The following ZNF573 variants were observed in gnomAD, a reference collection of about 807,000 sequenced individuals.
The protein encoded by ZNF573 is zinc finger protein 573.
ZNF573 carries 41 observed loss-of-function variants against 57.4 expected under a neutral mutation model. That is an observed-to-expected ratio of 0.71 (90% CI 0.56 to 0.93). The LOEUF (loss-of-function observed/expected upper bound fraction) is 0.93, where lower values mean the gene tolerates loss of function less well. ZNF573 is among the 40% of genes least tolerant of loss of function. The pLI, the probability that ZNF573 is intolerant of heterozygous loss-of-function variation, is 0.00. For synonymous variants in ZNF573, 249 were observed against 261.0 expected (o/e 0.95, Z 0.44); for missense variants, 730 against 794.8 (o/e 0.92, Z 0.98).
intron 4 of ZNF573, among the ~76,000 whole-genome samples, chr19:37,761,723 G>A (rs1038671142): frequency 6.6e-6 from 1 of 152,152 alleles, no homozygotes; most frequent in Non-Finnish European, 1.5e-5. Flanking sequence ...ATTAGCATTA[G>A]ATCACACCCT....
rs755779948 is a variant in ZNF573 at position 37,771,647 on chromosome 19, T to C, written c.119A>G (p.Gln40Arg). The C allele has an allele frequency of 4.4e-6, 7 of 1,603,226 alleles. No individual in the cohort carries two copies. The African/African-American group carries it at 9.5e-5, about 22-fold the overall frequency. ...ATTAGGGTCCAGGTATTCCCACTCC[T>C]GCCGAGAGAAGTCTATGGCCACATC... The part of the protein sequence containing the change: ...FRDVAIDFSR[Q>R]EWEYLDPNQR... The change falls in exon 3 of 5, where the codon CAG becomes CGG. Residue 40 changes from glutamine (Q) to arginine (R), a missense_variant. By Grantham distance (43) the Gln-to-Arg change is conservative. Coordinates refer to ENST00000536220, the MANE Select transcript of ZNF573 (RefSeq NM_001172690.2).
chr19:37,755,944 G>A (rs370516028), intron 4 of ZNF573, among the ~76,000 whole-genome samples: 1 of 151,984 alleles, frequency 6.6e-6, no homozygotes, highest in Non-Finnish European at 1.5e-5. Flanking sequence ...TATAAACCTT[G>A]TAAGAAAAGC....
At position 37,739,118 on chromosome 19, in the gene ZNF573, T is replaced by C; in HGVS notation, c.1372A>G (p.Thr458Ala). ...KKTFTLYRNL[T>A]RHQNIHTGKK... is the part of the protein sequence containing the mutation. ...CCAGTGTGAATATTCTGATGTCGAG[T>C]AAGATTTCTATACAAAGTAAAGGTT... Residue 458 changes from threonine to alanine, a missense_variant, in exon 5 of 5, where the codon ACT becomes GCT. Coordinates refer to ENST00000536220, the MANE Select transcript of ZNF573 (RefSeq NM_001172690.2). The C allele has an allele frequency of 4.3e-6, 7 of 1,613,458 alleles. No individual in the cohort carries two copies. Among genetic ancestry groups the C allele is most frequent in the Non-Finnish European group, 5.9e-6 (7 of 1,179,860 alleles).
In ZNF573 at chr19:37,739,977, A is replaced by C; in HGVS notation, c.513T>G (p.Phe171Leu). 1 of 1,614,204 alleles carries C rather than the reference A, an allele frequency of 6.2e-7. No homozygotes were observed. Among genetic ancestry groups the C allele is most frequent in the Non-Finnish European group, 8.5e-7 (1 of 1,180,034 alleles). Residue 171 changes from phenylalanine to leucine, a missense_variant, in exon 5 of 5, where the codon TTT becomes TTG. Physicochemically the swap from Phe to Leu is conservative, Grantham distance 22 (BLOSUM62 0). Coordinates refer to ENST00000536220, the MANE Select transcript of ZNF573 (RefSeq NM_001172690.2). ...PYECKECGKN[F>L]RSGYQLTLHQ... ...GTAGAGTAAGTTGATAGCCACTACG[A>C]AAGTTCTTCCCACACTCTTTGCATT...
intron 4 of ZNF573, among the ~76,000 whole-genome samples, chr19:37,761,841 G>A (rs150527388): frequency 5.6e-4 from 85 of 152,272 alleles, no homozygotes; most frequent in African/African-American, 1.9e-3. Context: ...AGGCTCCTGT[G>A]TCATGAAAAA....
intron 2 of ZNF573, among the ~76,000 whole-genome samples, chr19:37,773,374 T>C (rs1208904942): frequency 2.0e-5 from 3 of 152,200 alleles, no homozygotes; most frequent in African/African-American, 7.2e-5. Context: ...TAAAGGAAGC[T>C]CAAATAGTTC....
rs761927757 is a variant in ZNF573 at position 37,738,966 on chromosome 19, G to A, written c.1524C>T (p.Ser508=). ...GATGTTGATTAAGATATCCATGCAA[G>A]CTAAAGGTCTTGCCACATTCCTTAC... The part of the protein sequence containing the change: ...YKCKECGKTF[S]LHGYLNQHQK... Residue 508 remains serine, a synonymous_variant, in exon 5 of 5, where the codon AGC becomes AGT. Transcript: ENST00000536220. 3 of 1,613,602 alleles carry A rather than the reference G, an allele frequency of 1.9e-6. No homozygotes were observed. Among genetic ancestry groups the A allele is most frequent in the South Asian group, 1.1e-5 (1 of 91,040 alleles).
In ZNF573 at chr19:37,758,203, ATATATAT is replaced by A. The variant is rs1230133293; in HGVS notation, c.295+11795_295+11801del. ...ACCCTAGAACTTAAAGTATAATAAA[ATATATAT>A]ATATATATATATATATATATATATA... On this transcript the variant is annotated intron_variant, in intron 4 of 4. Coordinates refer to ENST00000536220, the MANE Select transcript of ZNF573 (RefSeq NM_001172690.2). Among the ~76,000 whole-genome samples, 382 of 52,018 alleles carry A rather than the reference ATATATAT, an allele frequency of 7.3e-3. 53 individuals are homozygous for A. Among genetic ancestry groups the A allele is most frequent in the East Asian group, 0.018 (12 of 670 alleles). 34.1% of individuals were successfully genotyped at this position (52,018 alleles called of 152,430 possible). A position where few individuals can be genotyped will look rare whatever the true frequency, so the allele number is the denominator to read the frequency against.
chr19:37,741,237 G>A (rs2045324367), intron 4 of ZNF573, among the ~76,000 whole-genome samples: 1 of 151,468 alleles, frequency 6.6e-6, no homozygotes, highest in African/African-American at 2.5e-5. Context: ...ATCTTTATCT[G>A]TCTGTTTATC....
At chr19:37,779,352 C>T (rs906710564) in intron 1 of ZNF573, among the ~76,000 whole-genome samples, 192 bp downstream of exon 1, 9 of 152,118 alleles carry the variant, frequency 5.9e-5, no homozygotes, top group African/African-American at 2.2e-4. Context: ...AAATACCCTC[C>T]TCTGCTGTTC....
intron 1 of ZNF573, among the ~76,000 whole-genome samples, chr19:37,775,525 A>G (rs1173475009): frequency 6.6e-6 from 1 of 152,066 alleles, no homozygotes; most frequent in Admixed American, 6.6e-5. Context: ...ACCCGTTCCT[A>G]TTTACAACTT....
At chr19:37,745,352 G>C (rs1429634408) in intron 4 of ZNF573, among the ~76,000 whole-genome samples, 1 of 151,998 alleles carries the variant, frequency 6.6e-6, no homozygotes, top group Admixed American at 6.6e-5. Flanking sequence ...CAAAGTGTTA[G>C]GATTACAGAC....
chr19:37,762,022 T>C, intron 4 of ZNF573, among the ~76,000 whole-genome samples: 1 of 152,214 alleles, frequency 6.6e-6, no homozygotes, highest in Non-Finnish European at 1.5e-5. Flanking sequence ...AGGCACAAAT[T>C]CTTATTTCAC....
At position 37,746,674 on chromosome 19, in the gene ZNF573, A is replaced by C. The variant is rs367993714; in HGVS notation, c.296-6480T>G. Among the ~76,000 whole-genome samples, 29 of 151,876 alleles carry C rather than the reference A, an allele frequency of 1.9e-4. 1 individual carries two copies. In the South Asian group the frequency reaches 5.8e-3, roughly 30 times the overall value. ...GGCTCACTGCAACCTCTGCCTCCCGAGTTCAAGCGATTATCCTGCCTCAGC... is the reference window on the plus strand; with the variant it reads ...GGCTCACTGCAACCTCTGCCTCCCGCGTTCAAGCGATTATCCTGCCTCAGC... On this transcript the variant is annotated intron_variant, in intron 4 of 4. Coordinates refer to ENST00000536220, the MANE Select transcript of ZNF573 (RefSeq NM_001172690.2).
intron 1 of ZNF573, among the ~76,000 whole-genome samples, chr19:37,777,644 G>A (rs574070929): frequency 6.6e-6 from 1 of 151,976 alleles, no homozygotes; most frequent in African/African-American, 2.4e-5. Flanking sequence ...GGAGGCTGAG[G>A]CAGGGGAATT....
chr19:37,770,611 A>AG (rs1282827587), intron 3 of ZNF573: 1 of 148,616 alleles, frequency 6.7e-6, no homozygotes, highest in Non-Finnish European at 1.5e-5. Context: ...CAAAAAAAAA[A>AG]AAAAAAAAAA....
chr19:37,764,627 G>C (rs553656866), intron 4 of ZNF573, among the ~76,000 whole-genome samples: 1 of 134,636 alleles, frequency 7.4e-6, no homozygotes, highest in African/African-American at 2.8e-5. Context: ...TTTTTGAGAC[G>C]GTGTCTCGCT....
intron 2 of ZNF573, among the ~76,000 whole-genome samples, chr19:37,772,031 T>C (rs2045663833): frequency 6.6e-6 from 1 of 152,252 alleles, no homozygotes; most frequent in Admixed American, 6.5e-5. Flanking sequence ...ATGTGATGCA[T>C]AAATTCCCAA....
chr19:37,739,573 T>C lies in ZNF573; in HGVS notation c.917A>G (p.Lys306Arg), dbSNP rs753375138. The change falls in exon 5 of 5, where the codon AAA (lysine) becomes AGA (arginine). Residue 306 changes from lysine (K) to arginine (R), a missense_variant. Lys to Arg is a conservative substitution (Grantham distance 26). Transcript: ENST00000536220. ...ACCTCTTCTAAAGGCCTTTCCACATTTCTCACATATGTATGGCTTCTCATC... is the reference window on the plus strand; with the variant it reads ...ACCTCTTCTAAAGGCCTTTCCACATCTCTCACATATGTATGGCTTCTCATC... ...HTDEKPYICE[K>R]CGKAFRRGHQ... The C allele has an allele frequency of 3.1e-6, 5 of 1,613,478 alleles. No homozygotes were observed. In the African/African-American group the frequency reaches 5.3e-5, roughly 17 times the overall value.
Sources: gnomAD v4.1 joint callset for allele counts (sites outside exome capture counted in the v4.1 genomes callset) on GRCh38, gnomAD v4.1.1 for gene constraint, MANE v1.5 for transcripts, NCBI Gene and HGNC (gene_info 2026-07-23, HGNC 2026-07-21) for gene names.